The following CDKL5 variants were observed in gnomAD, a reference collection of about 807,000 sequenced individuals.
CDKL5 encodes the protein cyclin-dependent kinase-like 5.
In CDKL5, 8 loss-of-function variants were observed where a neutral mutation model predicts 61.7. The ratio of observed to expected loss-of-function variants is 0.13; its 90% CI spans 0.08 to 0.23. The LOEUF is 0.23. Ranked by LOEUF, CDKL5 falls within the 10% of genes least tolerant of loss-of-function variation. The probability of loss-of-function intolerance (pLI) is 1.00; values close to 1 mark genes in which losing one functional copy is unlikely to be tolerated. For synonymous variants in CDKL5, 275 were observed against 272.3 expected, an observed-to-expected ratio of 1.01 and a Z score of -0.10; for missense variants, 440 against 734.5, an observed-to-expected ratio of 0.60 and a Z score of 4.63.
intron 14 of CDKL5, among the ~76,000 whole-genome samples, chrX:18,611,746 G>A (rs1233492317): frequency 8.9e-6 from 1 of 111,764 alleles, no homozygotes; most frequent in Non-Finnish European, 1.9e-5. Context: ...TAGTAGAGAG[G>A]GTAGTGAGAG....
At chrX:18,446,189 C>CAA (rs529883672) in intron 1 of CDKL5, among the ~76,000 whole-genome samples, 28 of 48,183 alleles carry the variant, frequency 5.8e-4, no homozygotes, top group East Asian at 2.5e-3. Context: ...ACTAAAAATA[C>CAA]AAAAAAAAAA....
rs1048196607 is a variant in CDKL5, at chrX:18,568,552, G to C, written c.145+4030G>C. Among the ~76,000 whole-genome samples, 8 of 112,216 alleles carry C rather than the reference G, an allele frequency of 7.1e-5. No individual in the cohort carries two copies. The Admixed American group carries it at 7.5e-4, about 11-fold the overall frequency. On this transcript the variant is annotated intron_variant, in intron 4 of 17. Coordinates refer to ENST00000623535, the MANE Select transcript of CDKL5 (RefSeq NM_001323289.2). Reference sequence around the variant, plus strand: ...GAAGTGTTAACCTTTTTGGGAGGAGGAACAGTTTTTACAGTAAAATTGTAG... The same window carrying C: ...GAAGTGTTAACCTTTTTGGGAGGAGCAACAGTTTTTACAGTAAAATTGTAG...
intron 6 of CDKL5, among the ~76,000 whole-genome samples, chrX:18,580,442 A>G (rs189513629): frequency 2.6e-3 from 294 of 110,966 alleles, no homozygotes; most frequent in Non-Finnish European, 4.1e-3. Context: ...TACACCAACA[A>G]TCTCCAGTAT....
intron 16 of CDKL5, among the ~76,000 whole-genome samples, 161 bp downstream of exon 16, chrX:18,620,127 C>T (rs1926846076): frequency 8.9e-6 from 1 of 112,166 alleles, no homozygotes; most frequent in Non-Finnish European, 1.9e-5. Context: ...TACAACTATC[C>T]TCTCAACAGA....
intron 3 of CDKL5, among the ~76,000 whole-genome samples, chrX:18,558,681 G>A (rs939080417): frequency 2.7e-5 from 3 of 111,617 alleles, no homozygotes; most frequent in African/African-American, 6.5e-5. Flanking sequence ...AAAGGGAGTA[G>A]GAAATGCCTT....
intron 3 of CDKL5, among the ~76,000 whole-genome samples, chrX:18,518,974 T>C (rs1569200684): frequency 9.0e-6 from 1 of 110,905 alleles, no homozygotes; most frequent in Admixed American, 9.6e-5. Context: ...ATGAGAATGG[T>C]ATAGTGAGAA....
chrX:18,524,714 C>T (rs1923368859), intron 3 of CDKL5, among the ~76,000 whole-genome samples: 2 of 111,995 alleles, frequency 1.8e-5, no homozygotes, highest in South Asian at 7.4e-4. Flanking sequence ...AGGTTATCTT[C>T]TGGAAGTTTT....
chrX:18,517,008 A>G (rs755627275), intron 3 of CDKL5, among the ~76,000 whole-genome samples: 2 of 111,983 alleles, frequency 1.8e-5, no homozygotes, highest in African/African-American at 6.5e-5. Context: ...AAGTGCTGCA[A>G]TTACAGGCGT....
At chrX:18,619,137 T>C (rs748295097) in intron 15 of CDKL5, among the ~76,000 whole-genome samples, 2 of 106,652 alleles carry the variant, frequency 1.9e-5, no homozygotes, top group East Asian at 5.9e-4. Flanking sequence ...TTAGAAGCTT[T>C]TCCCCCCGCC....
rs1228147936 is a variant in CDKL5, at chrX:18,598,458, T to A, written c.826-4T>A. ...CTTAACGATCCTAAATTTTATTTCC[T>A]AAGAATTTACTGAAGTTGGACCCAG... On this transcript the variant is annotated splice_polypyrimidine_tract_variant and splice_region_variant and intron_variant, in intron 10 of 17. Transcript: ENST00000623535. 3 of 1,202,400 alleles carry A rather than the reference T, an allele frequency of 2.5e-6. No individual in the cohort carries two copies. The highest frequency in any genetic ancestry group is 3.5e-5 in the African/African-American group (2 of 57,705).
At chrX:18,435,748 G>C (rs1387443583) in intron 1 of CDKL5, among the ~76,000 whole-genome samples, 1 of 111,044 alleles carries the variant, frequency 9.0e-6, no homozygotes, top group Non-Finnish European at 1.9e-5. Flanking sequence ...TGTATTTTCA[G>C]TAGAGACGGG....
chrX:18,638,158 G>C lies in CDKL5; in HGVS notation c.*9401G>C, dbSNP rs774224875. The C allele has an allele frequency of 8.9e-6, 1 of 111,770 alleles. No individual in the cohort carries two copies. The highest frequency in any genetic ancestry group is 1.9e-5 in the Non-Finnish European group (1 of 53,167). 9.2% of individuals were successfully genotyped at this position (111,770 alleles called of 1,213,427 possible). ...TCTGGGCTCTGAGAATGGATTCACA[G>C]CAGCATCTCTATCTGGAAATACCTT... On this transcript the variant is annotated 3_prime_UTR_variant, in exon 18 of 18. Coordinates refer to ENST00000623535, the MANE Select transcript of CDKL5 (RefSeq NM_001323289.2).
intron 4 of CDKL5, among the ~76,000 whole-genome samples, chrX:18,565,721 G>A (rs900760389): frequency 8.9e-6 from 1 of 112,452 alleles, no homozygotes; most frequent in Non-Finnish European, 1.9e-5. Flanking sequence ...CATCTCTGAT[G>A]TGCTAGTTAT....
chrX:18,441,223 C>T (rs1413998157), intron 1 of CDKL5, among the ~76,000 whole-genome samples: 1 of 111,145 alleles, frequency 9.0e-6, no homozygotes, highest in African/African-American at 3.3e-5. Context: ...CAAGACCAGC[C>T]TGGGCAACAT....
At chrX:18,509,236 C>CACACACAG (rs1922730644) in intron 2 of CDKL5, among the ~76,000 whole-genome samples, 1 of 107,546 alleles carries the variant, frequency 9.3e-6, no homozygotes, top group Non-Finnish European at 1.9e-5. Flanking sequence ...CACACACACA[C>CACACACAG]ACACACACAC....
intron 17 of CDKL5, among the ~76,000 whole-genome samples, chrX:18,625,732 G>A (rs185978666): frequency 1.2e-3 from 134 of 111,756 alleles, no homozygotes; most frequent in African/African-American, 4.0e-3. Context: ...CAGGAAACAG[G>A]CAAACAGTTG....
chrX:18,459,454 C>T (rs983125320), intron 1 of CDKL5, among the ~76,000 whole-genome samples: 1 of 108,582 alleles, frequency 9.2e-6, no homozygotes, highest in Admixed American at 1.0e-4. Flanking sequence ...CCCAGCTACT[C>T]GGGAGGCTGA....
chrX:18,447,904 A>C (rs929623539), intron 1 of CDKL5, among the ~76,000 whole-genome samples: 5 of 109,355 alleles, frequency 4.6e-5, no homozygotes, highest in African/African-American at 1.7e-4. Context: ...GTGCAATGGC[A>C]TGATCACAGC....
chrX:18,580,100 G>C (rs1408744566), intron 6 of CDKL5, 132 bp downstream of exon 6: 2 of 548,934 alleles, frequency 3.6e-6, no homozygotes, highest in African/African-American at 4.7e-5. Flanking sequence ...TATTTTGAAA[G>C]TGCAAGACAT....
Sources: allele counts gnomAD v4.1 joint callset (sites outside exome capture counted in the v4.1 genomes callset), GRCh38; gene constraint gnomAD v4.1.1; transcripts MANE v1.5; gene names NCBI Gene and HGNC (gene_info 2026-07-23, HGNC 2026-07-21).